Variants in SIRPB2 observed in about 807,000 individuals in gnomAD.
SIRPB2 encodes signal-regulatory protein beta-2.
SIRPB2 carries 18 observed loss-of-function variants against 27.1 expected under a neutral mutation model. The observed-to-expected ratio is 0.66, with a 90% CI of 0.46 to 0.98. SIRPB2 has a LOEUF of 0.98. Among genes scored for constraint, SIRPB2 ranks in the 50% least tolerant of loss-of-function variants. SIRPB2 has a pLI of 0.00. For synonymous variants in SIRPB2, 150 were observed against 164.6 expected (o/e 0.91, Z 0.68); for missense variants, 420 against 417.4 (o/e 1.01, Z -0.06).
chr20:1,472,858 TG>T (rs1355944689), downstream of SIRPB2: 3 of 152,218 alleles, frequency 2.0e-5, no homozygotes, highest in Non-Finnish European at 4.4e-5. Flanking sequence ...TTGCTGTTCT[TG>T]TGCAAGTCAA....
chr20:1,481,402 C>A (rs150763410), intron 1 of SIRPB2, among the ~76,000 whole-genome samples: 2 of 152,096 alleles, frequency 1.3e-5, no homozygotes, highest in East Asian at 1.9e-4. Context: ...CAGTAGATAT[C>A]GTGTCCAGGA....
At chr20:1,484,643 A>G (rs6135069) in intron 1 of SIRPB2, among the ~76,000 whole-genome samples, 22,187 of 152,062 alleles carry the variant, frequency 0.15, 2,974 homozygotes, top group East Asian at 0.74. Flanking sequence ...CAAAACCACA[A>G]TGAGATATCA....
intron 1 of SIRPB2, among the ~76,000 whole-genome samples, chr20:1,485,110 G>A (rs777826057): frequency 7.9e-5 from 12 of 152,208 alleles, no homozygotes; most frequent in Middle Eastern, 3.4e-3. Context: ...AGGGGCATGA[G>A]AGAGATTTGT....
Position 1,476,232 on chromosome 20 carries a change from C to A in SIRPB2, c.964G>T (p.Asp322Tyr). The A allele has an allele frequency of 6.2e-7, 1 of 1,614,068 alleles. No individual in the cohort carries two copies. Among genetic ancestry groups the A allele is most frequent in the South Asian group, 1.1e-5 (1 of 91,064 alleles). The change falls in exon 5 of 5, where the codon GAT (aspartate) becomes TAT (tyrosine). Residue 322 changes from aspartate to tyrosine, a missense_variant. Physicochemically the swap from Asp to Tyr is radical, Grantham distance 160. Transcript: ENST00000359801. ...ATSRRSPGQE[D>Y]VKTTGPAGAM... The stretch of plus-strand genomic sequence containing the variant: ...CCTGCTGGGCCTGTGGTCTTGACAT[C>A]TTCTTGCCCAGGGCTCCTCCGAGAG...
At chr20:1,485,243 A>G (rs1421470927) in intron 1 of SIRPB2, among the ~76,000 whole-genome samples, 1 of 152,238 alleles carries the variant, frequency 6.6e-6, no homozygotes, top group African/African-American at 2.4e-5. Flanking sequence ...GAGAGGACTT[A>G]AAATGTTCCT....
chr20:1,478,792 C>T (rs41309827), intron 2 of SIRPB2, among the ~76,000 whole-genome samples, 185 bp from the exon 3 acceptor site: 93 of 152,310 alleles, frequency 6.1e-4, no homozygotes, highest in Non-Finnish European at 1.1e-3. Context: ...CTACTACATA[C>T]CAATGGTAGG....
At chr20:1,480,421 A>G (rs1472522912) in intron 1 of SIRPB2, 2 of 221,552 alleles carry the variant, frequency 9.0e-6, no homozygotes, top group Non-Finnish European at 1.8e-5. Context: ...CTGTCCCAGG[A>G]TCATCGGCTA....
intron 2 of SIRPB2, 85 bp downstream of exon 2, chr20:1,479,615 G>T: frequency 6.5e-7 from 1 of 1,539,274 alleles, no homozygotes. Flanking sequence ...AATTTTGTGT[G>T]ATACAGCATG....
chr20:1,486,992 G>A (rs1249704896), intron 1 of SIRPB2, among the ~76,000 whole-genome samples: 2 of 152,032 alleles, frequency 1.3e-5, no homozygotes, highest in Non-Finnish European at 2.9e-5. Context: ...GAAAAAGGTA[G>A]TAGGAAATAA....
At chr20:1,491,171 A>C in intron 1 of SIRPB2, 104 bp downstream of exon 1, 1 of 1,025,866 alleles carries the variant, frequency 9.7e-7, no homozygotes, top group Non-Finnish European at 1.4e-6. Context: ...TCTTTACTCT[A>C]TCTTCATGGG....
intron 1 of SIRPB2, among the ~76,000 whole-genome samples, chr20:1,489,689 G>T (rs2090759154): frequency 6.6e-6 from 1 of 152,050 alleles, no homozygotes; most frequent in Non-Finnish European, 1.5e-5. Flanking sequence ...GCCTTTCATG[G>T]TTCCTGTATG....
At chr20:1,480,376 A>G (rs775655007) in intron 1 of SIRPB2, 4 of 284,970 alleles carry the variant, frequency 1.4e-5, no homozygotes, top group South Asian at 1.3e-4. Flanking sequence ...CCATTTTTTG[A>G]CAGAGGAAAC....
chr20:1,477,112 A>T, intron 4 of SIRPB2: 2 of 1,508,216 alleles, frequency 1.3e-6, no homozygotes, highest in Non-Finnish European at 1.8e-6. Flanking sequence ...AACATTTCCC[A>T]CTAAACAGTT....
chr20:1,474,009 T>A, downstream of SIRPB2: 1 of 394,744 alleles, frequency 2.5e-6, no homozygotes, highest in Non-Finnish European at 5.1e-6. Flanking sequence ...CAGCTTCTGG[T>A]GGCTGCTGGC....
At chr20:1,470,815 C>T (rs1057001614), downstream of SIRPB2, 2 of 152,208 alleles carry the variant, frequency 1.3e-5, no homozygotes, top group African/African-American at 4.8e-5. Context: ...CATTCACAGC[C>T]AGGGGGACCA....
chr20:1,484,991 A>G (rs2090711490), intron 1 of SIRPB2, among the ~76,000 whole-genome samples: 1 of 152,204 alleles, frequency 6.6e-6, no homozygotes, highest in South Asian at 2.1e-4. Context: ...CCAGGCACAG[A>G]AAGACAAACA....
chr20:1,473,008 C>A (rs1219491673), downstream of SIRPB2: 1 of 152,318 alleles, frequency 6.6e-6, no homozygotes, highest in Non-Finnish European at 1.5e-5. Context: ...CCTCTTCTGT[C>A]CACCCTGCAT....
Position 1,477,438 on chromosome 20 carries a change from T to C in SIRPB2, c.794-35A>G, listed in dbSNP as rs769872048. ...AGAGAGGCTTTGTCATACTTCCCTT[T>C]ATCTTTATCTCCCACCACTTCCTAA... is the stretch of plus-strand genomic sequence containing the variant. On this transcript the variant is annotated intron_variant, in intron 3 of 4. Coordinates refer to ENST00000359801, the MANE Select transcript of SIRPB2 (RefSeq NM_001122962.2). 4.0e-5 allele frequency: 63 copies of C among 1,583,978 alleles called. 1 individual carries two copies. The South Asian group carries it at 6.0e-4, about 15-fold the overall frequency.
chr20:1,479,693 T>A lies in SIRPB2; in HGVS notation c.451+7A>T. On this transcript the variant is annotated splice_region_variant and intron_variant, in intron 2 of 4. Coordinates refer to ENST00000359801, the MANE Select transcript of SIRPB2 (RefSeq NM_001122962.2). Reference sequence around the variant, plus strand: ...CAAATGTGTGGTCTGCAGGGCCTGATCCTTACCCTTCACAAGCACTGAGGT... The same window carrying A: ...CAAATGTGTGGTCTGCAGGGCCTGAACCTTACCCTTCACAAGCACTGAGGT... 6.2e-7 allele frequency: 1 copy of A among 1,613,386 alleles called. No homozygotes were observed. Among genetic ancestry groups the A allele is most frequent in the Non-Finnish European group, 8.5e-7 (1 of 1,179,528 alleles).
Sources: gnomAD v4.1 joint callset for allele counts (sites outside exome capture counted in the v4.1 genomes callset) on GRCh38, gnomAD v4.1.1 for gene constraint, MANE v1.5 for transcripts, NCBI Gene and HGNC (gene_info 2026-07-23, HGNC 2026-07-21) for gene names.